The following PPP2R1B variants were observed in gnomAD, a reference collection of about 807,000 sequenced individuals.
PPP2R1B encodes serine/threonine-protein phosphatase 2A 65 kDa regulatory subunit A beta isoform.
In PPP2R1B, 58 loss-of-function variants were observed where a neutral mutation model predicts 72.7. The observed-to-expected ratio is 0.80, with a 90% CI of 0.65 to 0.99. The LOEUF (loss-of-function observed/expected upper bound fraction) is 0.99. Ranked by LOEUF, PPP2R1B falls within the 50% of genes least tolerant of loss-of-function variation. PPP2R1B has a pLI of 0.00. For synonymous variants in PPP2R1B, 256 were observed against 264.6 expected, an observed-to-expected ratio of 0.97 and a Z score of 0.32; for missense variants, 695 against 733.6, an observed-to-expected ratio of 0.95 and a Z score of 0.61.
intron 5 of PPP2R1B, among the ~76,000 whole-genome samples, chr11:111,759,190 G>T (rs576077204): frequency 1.3e-5 from 2 of 152,280 alleles, no homozygotes; most frequent in South Asian, 4.1e-4. Context: ...AACTTTCTGT[G>T]CCTTTGTTTT....
chr11:111,723,820 A>ACCCCCCCCCCCCCCCCC, downstream of PPP2R1B: 1 of 1,560,922 alleles, frequency 6.4e-7, no homozygotes, highest in Non-Finnish European at 8.7e-7. Context: ...AGCAGCCGCC[A>ACCCCCCCCCCCCCCCCC]CCGCCACCAC....
chr11:111,765,189 C>T, intron 2 of PPP2R1B, 105 bp downstream of exon 2: 1 of 1,216,142 alleles, frequency 8.2e-7, no homozygotes, highest in South Asian at 1.4e-5. Flanking sequence ...GCACAAAAAA[C>T]ACCTGGCTCA....
chr11:111,723,369 C>T (rs1808713354), downstream of PPP2R1B: 3 of 1,033,742 alleles, frequency 2.9e-6, no homozygotes, highest in South Asian at 1.7e-5. Flanking sequence ...CCCATTCCCA[C>T]TTGTTTTTGC....
intron 3 of PPP2R1B, 25 bp downstream of exon 3, chr11:111,764,780 G>A: frequency 6.2e-7 from 1 of 1,609,378 alleles, no homozygotes; most frequent in Non-Finnish European, 8.5e-7. Context: ...TGTAGAAGGA[G>A]GGTAGGCAGC....
At chr11:111,717,687 C>G in the PPP2R1B span, among the ~76,000 whole-genome samples, 2 of 152,208 alleles carry the variant, frequency 1.3e-5, no homozygotes, top group East Asian at 3.8e-4. Flanking sequence ...GACATGGAAT[C>G]AACCCAAATG....
downstream of PPP2R1B, chr11:111,737,350 T>TTC (rs1405431654): frequency 1.9e-6 from 3 of 1,565,052 alleles, no homozygotes; most frequent in East Asian, 4.5e-5. Context: ...GAGGTGCTGC[T>TTC]TCTCCGCCTA....
At chr11:111,704,383 G>A in the PPP2R1B span, among the ~76,000 whole-genome samples, 1 of 152,230 alleles carries the variant, frequency 6.6e-6, no homozygotes, top group African/African-American at 2.4e-5. Context: ...TGGCAGGCTA[G>A]AGATGTGAAC....
At chr11:111,759,772 C>T (rs368913740) in intron 5 of PPP2R1B, 32 bp downstream of exon 5, 113 of 1,580,292 alleles carry the variant, frequency 7.2e-5, no homozygotes, top group Non-Finnish European at 9.0e-5. Context: ...AGGAGCATAT[C>T]TGTGTCCCTT....
chr11:111,765,244 T>A (rs782252274), intron 2 of PPP2R1B, 50 bp downstream of exon 2: 1 of 1,520,202 alleles, frequency 6.6e-7, no homozygotes, highest in Non-Finnish European at 9.1e-7. Flanking sequence ...TGTTGAAAGC[T>A]ACTGGAAAAT....
the PPP2R1B span, among the ~76,000 whole-genome samples, chr11:111,710,912 C>T: frequency 1.4e-4 from 22 of 152,088 alleles, no homozygotes; most frequent in Non-Finnish European, 2.8e-4. Context: ...ATAACTATAG[C>T]CGGAAAAATA....
intron 3 of PPP2R1B, among the ~76,000 whole-genome samples, chr11:111,763,373 G>C (rs1464808172): frequency 6.6e-6 from 1 of 152,130 alleles, no homozygotes; most frequent in African/African-American, 2.4e-5. Context: ...CTACAGAGGC[G>C]GGTCATAAAA....
intron 10 of PPP2R1B, among the ~76,000 whole-genome samples, chr11:111,749,454 AT>A (rs1944822846): frequency 6.6e-6 from 1 of 150,554 alleles, no homozygotes; most frequent in African/African-American, 2.4e-5. Context: ...ACCCGGCTAA[AT>A]TTTTTGTATA....
intron 15 of PPP2R1B, among the ~76,000 whole-genome samples, chr11:111,731,694 G>GC (rs1218067406): frequency 2.0e-5 from 3 of 152,332 alleles, no homozygotes; most frequent in Non-Finnish European, 4.4e-5. Flanking sequence ...GCCCACACTG[G>GC]CAGAGGCTGG....
Position 111,766,382 on chromosome 11 carries a change from T to A in PPP2R1B, c.-21A>T. The A allele has an allele frequency of 2.2e-6, 1 of 448,438 alleles. No individual in the cohort carries two copies. The highest frequency in any genetic ancestry group is 3.4e-6 in the Non-Finnish European group (1 of 291,248). 27.8% of individuals were successfully genotyped at this position (448,438 alleles called of 1,614,324 possible). On this transcript the variant is annotated 5_prime_UTR_variant, in exon 1 of 15. Coordinates refer to ENST00000527614, the MANE Select transcript of PPP2R1B (RefSeq NM_002716.5). ...GCCATGTTCTTTCTCCTCCTGCTGC[T>A]GGTCACCGCCTCCCGCCCCGCGCCC...
chr11:111,690,968 G>A, the PPP2R1B span, among the ~76,000 whole-genome samples: 1 of 152,158 alleles, frequency 6.6e-6, no homozygotes, highest in African/African-American at 2.4e-5. Context: ...AAGGTTATAG[G>A]TGTGTAAATC....
Position 111,740,593 on chromosome 11 carries a change from T to C in PPP2R1B, c.*1003A>G, listed in dbSNP as rs1007526769. On this transcript the variant is annotated 3_prime_UTR_variant, in exon 15 of 15. Transcript: ENST00000527614. ...TTAAATTTCAGAATTAATGAGGTTT[T>C]ACTGTAAAAGTAGAAAAGCAAACAC... is the stretch of plus-strand genomic sequence containing the variant. 2 of 985,032 alleles carry C rather than the reference T, an allele frequency of 2.0e-6. No homozygotes were observed. Among genetic ancestry groups the C allele is most frequent in the African/African-American group, 3.5e-5 (2 of 57,258 alleles). 61.0% of individuals were successfully genotyped at this position (985,032 alleles called of 1,614,324 possible). A position where few individuals can be genotyped will look rare whatever the true frequency, so the allele number is the denominator to read the frequency against.
Position 111,755,070 on chromosome 11 carries a change from T to C in PPP2R1B, c.868A>G (p.Ile290Val). ...SELQKAMGPK[I>V]TLNDLIPAFQ... ...GCGGGGATGAGGTCATTTAGGGTGA[T>C]TTTAGGACCCATGGCTTTCTGGAGC... The change falls in exon 7 of 15, where the codon ATC (isoleucine) becomes GTC (valine). Residue 290 changes from isoleucine (I) to valine (V), a missense_variant. Ile to Val is a conservative substitution (Grantham distance 29). Transcript: ENST00000527614. 5 of 1,613,250 alleles carry C rather than the reference T, an allele frequency of 3.1e-6. No individual in the cohort carries two copies. The highest frequency in any genetic ancestry group is 2.2e-5 in the East Asian group (1 of 44,876).
At chr11:111,712,214 C>T in the PPP2R1B span, 1 of 1,614,114 alleles carries the variant, frequency 6.2e-7, no homozygotes, top group Non-Finnish European at 8.5e-7. Flanking sequence ...TTTACAGGCA[C>T]AGACTGTGGG....
At chr11:111,751,938 T>C (rs1217954372) in intron 10 of PPP2R1B, among the ~76,000 whole-genome samples, 4 of 152,120 alleles carry the variant, frequency 2.6e-5, no homozygotes, top group African/African-American at 4.8e-5. Flanking sequence ...GATTGCATCA[T>C]TGCACTCCAG....
Sources: gnomAD v4.1 joint callset for allele counts (sites outside exome capture counted in the v4.1 genomes callset) on GRCh38, gnomAD v4.1.1 for gene constraint, MANE v1.5 for transcripts, NCBI Gene and HGNC (gene_info 2026-07-23, HGNC 2026-07-21) for gene names.